The following MEIKIN variants were observed in gnomAD, a reference collection of about 807,000 sequenced individuals.
MEIKIN encodes meiosis-specific kinetochore protein.
chr5:131,873,899 G>C (rs1750557578), intron 9 of MEIKIN, among the ~76,000 whole-genome samples: 1 of 152,188 alleles, frequency 6.6e-6, no homozygotes. Flanking sequence ...TGACTACTGG[G>C]TAAATAATGA....
At chr5:131,927,810 T>A (rs552039036) in intron 5 of MEIKIN, among the ~76,000 whole-genome samples, 1 of 152,184 alleles carries the variant, frequency 6.6e-6, no homozygotes, top group Non-Finnish European at 1.5e-5. Context: ...GTATGGAATA[T>A]CTTTTTCCAT....
intron 1 of MEIKIN, 69 bp from the exon 2 acceptor site, chr5:131,945,318 G>A: frequency 2.5e-6 from 1 of 399,036 alleles, no homozygotes; most frequent in Non-Finnish European, 4.4e-6. Flanking sequence ...CTGGGCCCGA[G>A]GCCTAGCACC....
chr5:131,845,267 C>T lies in MEIKIN; in HGVS notation c.975+5997G>A, dbSNP rs762521756. On this transcript the variant is annotated intron_variant, in intron 11 of 12. Transcript: ENST00000442687. ...CCTGGGTGACAGAGCGAGAAGACTTCGTCTTAAAAAAAAAAAAAAAAAAAA... is the reference window on the plus strand; with the variant it reads ...CCTGGGTGACAGAGCGAGAAGACTTTGTCTTAAAAAAAAAAAAAAAAAAAA... Among the ~76,000 whole-genome samples, 9 of 76,900 alleles carry T rather than the reference C, an allele frequency of 1.2e-4. No homozygotes were observed. The Admixed American group carries it at 1.2e-3, about 10-fold the overall frequency. 50.4% of individuals were successfully genotyped at this position (76,900 alleles called of 152,430 possible). A position where few individuals can be genotyped will look rare whatever the true frequency, so the allele number is the denominator to read the frequency against.
rs186704515 is a variant in MEIKIN at position 131,923,832 on chromosome 5, T to C, written c.479-1891A>G. The stretch of plus-strand genomic sequence containing the variant: ...ATTTTAATATTTAAAATTATTTTTA[T>C]AGTTAGAACACTTAACATGAGATCT... On this transcript the variant is annotated intron_variant, in intron 5 of 12. Coordinates refer to ENST00000442687, the MANE Select transcript of MEIKIN (RefSeq NM_001303622.2). Among the ~76,000 whole-genome samples, 310 of 152,064 alleles carry C rather than the reference T, an allele frequency of 2.0e-3. 1 individual carries two copies. Among genetic ancestry groups the C allele is most frequent in the African/African-American group, 7.1e-3 (295 of 41,506 alleles).
intron 5 of MEIKIN, among the ~76,000 whole-genome samples, chr5:131,930,354 C>T (rs964302190): frequency 6.6e-6 from 1 of 152,000 alleles, no homozygotes; most frequent in Non-Finnish European, 1.5e-5. Flanking sequence ...TTTTTGCTTG[C>T]TGATTTAAAT....
At chr5:131,916,124 A>G (rs1751412859) in intron 7 of MEIKIN, among the ~76,000 whole-genome samples, 1 of 152,224 alleles carries the variant, frequency 6.6e-6, no homozygotes, top group African/African-American at 2.4e-5. Flanking sequence ...ATCTGGTATC[A>G]TTATTATCCA....
chr5:131,815,787 G>A, intron 12 of MEIKIN, among the ~76,000 whole-genome samples: 1 of 152,164 alleles, frequency 6.6e-6, no homozygotes, highest in Non-Finnish European at 1.5e-5. Flanking sequence ...AATCCATGCA[G>A]GACTGCTAAT....
At chr5:131,874,141 G>A (rs1450165797) in intron 9 of MEIKIN, among the ~76,000 whole-genome samples, 2 of 152,106 alleles carry the variant, frequency 1.3e-5, no homozygotes, top group Non-Finnish European at 2.9e-5. Flanking sequence ...AAATAACTAA[G>A]ATCAGAGCAG....
At chr5:131,845,883 A>C (rs1040066569) in intron 11 of MEIKIN, among the ~76,000 whole-genome samples, 1 of 152,220 alleles carries the variant, frequency 6.6e-6, no homozygotes, top group African/African-American at 2.4e-5. Context: ...ATTAGAAGAA[A>C]TAATGACTGA....
intron 11 of MEIKIN, among the ~76,000 whole-genome samples, chr5:131,844,514 C>T (rs557278084): frequency 6.6e-6 from 1 of 152,070 alleles, no homozygotes; most frequent in African/African-American, 2.4e-5. Context: ...TAGCTGAGTA[C>T]TAGGGAAACC....
chr5:131,891,770 G>A (rs1750924441), intron 8 of MEIKIN, among the ~76,000 whole-genome samples: 1 of 152,154 alleles, frequency 6.6e-6, no homozygotes. Context: ...GATGTCAGCT[G>A]GTTATTTTGC....
At chr5:131,893,052 T>C (rs1750960879) in intron 8 of MEIKIN, among the ~76,000 whole-genome samples, 2 of 152,234 alleles carry the variant, frequency 1.3e-5, no homozygotes, top group Admixed American at 6.5e-5. Flanking sequence ...CCACAAATGC[T>C]GCTGTCTGAT....
intron 11 of MEIKIN, among the ~76,000 whole-genome samples, chr5:131,823,141 A>G (rs1749549141): frequency 6.6e-6 from 1 of 151,822 alleles, no homozygotes; most frequent in African/African-American, 2.4e-5. Context: ...GACCTTTCAG[A>G]GTTTGATTAT....
At chr5:131,922,962 G>A (rs1446950126) in intron 5 of MEIKIN, among the ~76,000 whole-genome samples, 1 of 152,074 alleles carries the variant, frequency 6.6e-6, no homozygotes, top group Non-Finnish European at 1.5e-5. Flanking sequence ...TGTGATCTTG[G>A]CTCACTGCAA....
intron 7 of MEIKIN, among the ~76,000 whole-genome samples, chr5:131,916,243 T>C (rs957233269): frequency 3.3e-5 from 5 of 152,200 alleles, no homozygotes; most frequent in African/African-American, 1.2e-4. Flanking sequence ...ATATTTACAA[T>C]TGTCACTGTC....
At position 131,933,570 on chromosome 5, in the gene MEIKIN, T is replaced by C. The variant is rs1751723147; in HGVS notation, c.421A>G (p.Lys141Glu). 1 of 398,818 alleles carries C rather than the reference T, an allele frequency of 2.5e-6. No homozygotes were observed. The highest frequency in any genetic ancestry group is 4.4e-6 in the Non-Finnish European group (1 of 226,010). The allele number at this position is 398,818 out of a possible 1,614,324, so 24.7% of individuals were successfully genotyped here. The change falls in exon 5 of 13, where the codon AAG (lysine) becomes GAG (glutamate). Residue 141 changes from lysine (K) to glutamate (E), a missense_variant. Physicochemically the swap from Lys to Glu is moderately conservative, Grantham distance 56. Coordinates refer to ENST00000442687, the MANE Select transcript of MEIKIN (RefSeq NM_001303622.2). ...YSVTDSYAEY[K>E]SFEESFPSPE... Reference sequence around the variant, plus strand: ...GATGGAAAGCTCTCTTCAAAACTCTTGTATTCTGCATAAGAGTCTGTGACT... The same window carrying C: ...GATGGAAAGCTCTCTTCAAAACTCTCGTATTCTGCATAAGAGTCTGTGACT...
At chr5:131,882,958 A>T (rs1750722943) in intron 8 of MEIKIN, among the ~76,000 whole-genome samples, 1 of 152,136 alleles carries the variant, frequency 6.6e-6, no homozygotes, top group African/African-American at 2.4e-5. Context: ...CTCTATCTAA[A>T]ATAGCATGCC....
chr5:131,858,942 G>A (rs528797795), intron 9 of MEIKIN, among the ~76,000 whole-genome samples: 1 of 152,320 alleles, frequency 6.6e-6, no homozygotes, highest in African/African-American at 2.4e-5. Context: ...TAGCAAGATT[G>A]TGGAGAAAAG....
chr5:131,942,526 G>A, intron 4 of MEIKIN, 109 bp downstream of exon 4: 1 of 390,784 alleles, frequency 2.6e-6, no homozygotes, highest in Non-Finnish European at 4.5e-6. Context: ...TTGGAGTAGG[G>A]AAAAGATACC....
Sources: allele counts gnomAD v4.1 joint callset (sites outside exome capture counted in the v4.1 genomes callset), GRCh38; gene constraint gnomAD v4.1.1; transcripts MANE v1.5; gene names NCBI Gene and HGNC (gene_info 2026-07-23, HGNC 2026-07-21).